The following GRK5 variants were observed in gnomAD, a reference collection of about 807,000 sequenced individuals.
GRK5 encodes g protein-coupled receptor kinase GRK5.
GRK5 carries 40 observed loss-of-function variants against 78.4 expected under a neutral mutation model. The observed-to-expected ratio is 0.51, with a 90% confidence interval of 0.40 to 0.66. The LOEUF is 0.66. Ranked by LOEUF, GRK5 falls within the 30% of genes least tolerant of loss-of-function variation. GRK5 has a pLI of 0.00. For missense variants in GRK5, 598 were observed against 759.9 expected (o/e 0.79, Z 2.50); for synonymous variants, 289 against 296.8 (o/e 0.97, Z 0.27).
intron 9 of GRK5, among the ~76,000 whole-genome samples, chr10:119,439,316 A>C (rs936521730): frequency 6.6e-6 from 1 of 152,094 alleles, no homozygotes; most frequent in Non-Finnish European, 1.5e-5. Context: ...CTGTGTCCCC[A>C]CCTTCTCCCC....
rs192418382 is a variant in GRK5, at chr10:119,295,739, G to A, written c.53-30777G>A. 3.3e-3 allele frequency among the ~76,000 whole-genome samples: 507 copies of A among 152,148 alleles called. 2 individuals carry two copies. The Middle Eastern group carries it at 0.037, about 11-fold the overall frequency. On this transcript the variant is annotated intron_variant, in intron 1 of 15. Transcript: ENST00000392870. ...AAACATCGTATGTTCTCACTGATAT[G>A]TGGGAGCTGAGATATGAGGACACGA...
At chr10:119,337,203 A>T (rs867752929) in intron 2 of GRK5, among the ~76,000 whole-genome samples, 2 of 152,170 alleles carry the variant, frequency 1.3e-5, no homozygotes, top group Middle Eastern at 3.2e-3. Flanking sequence ...TTTGAGTTTG[A>T]AACGCACTGT....
At position 119,296,290 on chromosome 10, in the gene GRK5, C is replaced by T. The variant is rs548140487; in HGVS notation, c.53-30226C>T. Among the ~76,000 whole-genome samples the T allele has an allele frequency of 5.3e-5, 8 of 152,356 alleles. No homozygotes were observed. In the South Asian group the frequency reaches 1.4e-3, roughly 28 times the overall value. ...GGAAAAGAACCTTTCCTAAAGCTCCCCAGCAGACACCCTCCATCAGTTCTA... is the reference window on the plus strand; with the variant it reads ...GGAAAAGAACCTTTCCTAAAGCTCCTCAGCAGACACCCTCCATCAGTTCTA... On this transcript the variant is annotated intron_variant, in intron 1 of 15. Coordinates refer to ENST00000392870, the MANE Select transcript of GRK5 (RefSeq NM_005308.3).
chr10:119,299,695 G>A (rs1352537085), intron 1 of GRK5, among the ~76,000 whole-genome samples: 1 of 152,112 alleles, frequency 6.6e-6, no homozygotes, highest in Non-Finnish European at 1.5e-5. Context: ...AGAAGGAATG[G>A]GTTGAAGGTG....
At chr10:119,371,993 G>A (rs867252604) in intron 2 of GRK5, among the ~76,000 whole-genome samples, 2 of 152,256 alleles carry the variant, frequency 1.3e-5, no homozygotes, top group South Asian at 2.1e-4. Context: ...GCCATTTGGA[G>A]CAGAATAATT....
chr10:119,369,304 G>A (rs181160353), intron 2 of GRK5, among the ~76,000 whole-genome samples: 61 of 152,238 alleles, frequency 4.0e-4, no homozygotes, highest in African/African-American at 1.4e-3. Context: ...GTGCTTTTAG[G>A]CGGAGCACAG....
rs141993001 is a variant in GRK5, at chr10:119,319,253, G to A, written c.53-7263G>A. 2.4e-3 allele frequency among the ~76,000 whole-genome samples: 359 copies of A among 152,318 alleles called. No individual in the cohort carries two copies. In the Middle Eastern group the frequency reaches 0.034, roughly 14 times the overall value. On this transcript the variant is annotated intron_variant, in intron 1 of 15. Coordinates refer to ENST00000392870, the MANE Select transcript of GRK5 (RefSeq NM_005308.3). ...CTGGAGAAAGCAGGAGTGAGAGTGGGATTGGACAAGCAATGCCCTCCCTAG... is the reference window on the plus strand; with the variant it reads ...CTGGAGAAAGCAGGAGTGAGAGTGGAATTGGACAAGCAATGCCCTCCCTAG...
rs55905745 is a variant in GRK5, at chr10:119,240,189, C to CTTTT, written c.52+32246_52+32249dup. 7.1e-4 allele frequency among the ~76,000 whole-genome samples: 50 copies of CTTTT among 70,100 alleles called. 3 individuals carry two copies. Among genetic ancestry groups the CTTTT allele is most frequent in the African/African-American group, 9.9e-4 (16 of 16,214 alleles). The allele number at this position is 70,100 out of a possible 152,430, so 46.0% of individuals were successfully genotyped here. A position where few individuals can be genotyped will look rare whatever the true frequency, so the allele number is the denominator to read the frequency against. ...ATCCTCTCCAGCATCTGTTTCCCGACTTTTTTTTTTTTTTTTTTTTTTTTT... is the reference window on the plus strand; with the variant it reads ...ATCCTCTCCAGCATCTGTTTCCCGACTTTTTTTTTTTTTTTTTTTTTTTTTTTTT... On this transcript the variant is annotated intron_variant, in intron 1 of 15. Coordinates refer to ENST00000392870, the MANE Select transcript of GRK5 (RefSeq NM_005308.3).
intron 15 of GRK5, among the ~76,000 whole-genome samples, chr10:119,454,316 C>G (rs1242677020): frequency 2.6e-5 from 4 of 152,190 alleles, no homozygotes; most frequent in African/African-American, 9.7e-5. Flanking sequence ...TGGCAACTTA[C>G]GGAACCTCTC....
intron 1 of GRK5, among the ~76,000 whole-genome samples, chr10:119,227,436 G>T (rs560346664): frequency 2.0e-5 from 3 of 152,054 alleles, no homozygotes; most frequent in Non-Finnish European, 2.9e-5. Context: ...GCATGGTGGC[G>T]CATGCCTGTA....
intron 1 of GRK5, among the ~76,000 whole-genome samples, chr10:119,210,961 G>C (rs994974308): frequency 6.6e-6 from 1 of 152,158 alleles, no homozygotes; most frequent in African/African-American, 2.4e-5. Context: ...ATAATATAAA[G>C]TGGAAAGCAT....
At position 119,452,140 on chromosome 10, in the gene GRK5, G is replaced by A. The variant is rs566079532; in HGVS notation, c.1405-531G>A. ...ATAATACCAGCTCCCAGTTACGGGCGCCAGGCTCGGTGGCCAGCACTGACA... is the reference window on the plus strand; with the variant it reads ...ATAATACCAGCTCCCAGTTACGGGCACCAGGCTCGGTGGCCAGCACTGACA... On this transcript the variant is annotated intron_variant, in intron 13 of 15. Coordinates refer to ENST00000392870, the MANE Select transcript of GRK5 (RefSeq NM_005308.3). The surrounding 1 kb of genome is among the most constrained non-coding windows in gnomAD (Gnocchi z 4.4). Among the ~76,000 whole-genome samples, 2 of 152,318 alleles carry A rather than the reference G, an allele frequency of 1.3e-5. No homozygotes were observed. The highest frequency in any genetic ancestry group is 4.8e-5 in the African/African-American group (2 of 41,568).
chr10:119,301,696 A>G (rs1369447615), intron 1 of GRK5, among the ~76,000 whole-genome samples: 1 of 152,146 alleles, frequency 6.6e-6, no homozygotes. Context: ...AGTCACTTTG[A>G]CCACGCCTCC....
intron 1 of GRK5, among the ~76,000 whole-genome samples, chr10:119,255,158 G>A (rs1267899420): frequency 6.6e-6 from 1 of 152,146 alleles, no homozygotes; most frequent in Non-Finnish European, 1.5e-5. Context: ...GAAGCCCGGA[G>A]GTGGCCTTGA....
At chr10:119,258,066 C>T (rs1301243340) in intron 1 of GRK5, among the ~76,000 whole-genome samples, 3 of 152,162 alleles carry the variant, frequency 2.0e-5, no homozygotes, top group African/African-American at 7.2e-5. Flanking sequence ...ACTACCACCA[C>T]AATCAGGAGT....
chr10:119,411,705 A>G (rs575906817), intron 4 of GRK5, among the ~76,000 whole-genome samples: 1 of 152,330 alleles, frequency 6.6e-6, no homozygotes, highest in African/African-American at 2.4e-5. Flanking sequence ...GTGCTTCTGT[A>G]GAAATGCTCT....
intron 1 of GRK5, among the ~76,000 whole-genome samples, chr10:119,237,086 G>A (rs1488025307): frequency 8.6e-6 from 1 of 115,852 alleles, no homozygotes; most frequent in African/African-American, 3.3e-5. Flanking sequence ...TTTTTGAGAC[G>A]GAGTCTCACT....
At chr10:119,251,172 T>C (rs549950048) in intron 1 of GRK5, among the ~76,000 whole-genome samples, 1 of 152,300 alleles carries the variant, frequency 6.6e-6, no homozygotes, top group African/African-American at 2.4e-5. Flanking sequence ...ACTGTTTGAA[T>C]TTAAAACTCT....
rs58297021 is a variant in GRK5 at position 119,238,905 on chromosome 10, A to G, written c.52+30936A>G. Among the ~76,000 whole-genome samples, 3,177 of 152,252 alleles carry G rather than the reference A, an allele frequency of 0.021. 112 individuals carry two copies. The highest frequency in any genetic ancestry group is 0.072 in the African/African-American group (3,009 of 41,538). The stretch of plus-strand genomic sequence containing the variant: ...GGTTACTCTACCATGAAAGAGCAGA[A>G]AAAGCTGAGCAGAAAACTTTGTTTT... On this transcript the variant is annotated intron_variant, in intron 1 of 15. Transcript: ENST00000392870. This position sits in a 1 kb window ranked among gnomAD's most constrained non-coding sequence, Gnocchi z 4.7.
Sources: allele counts gnomAD v4.1 joint callset (sites outside exome capture counted in the v4.1 genomes callset), GRCh38; gene constraint gnomAD v4.1.1; non-coding constraint Gnocchi (gnomAD v3.1); transcripts MANE v1.5; gene names NCBI Gene and HGNC (gene_info 2026-07-23, HGNC 2026-07-21).